PARP16: variants seen among roughly 807,000 people sequenced by gnomAD.
The protein encoded by PARP16 is poly(ADP-ribose) polymerase family member 16.
In PARP16, 31 loss-of-function variants were observed where a neutral mutation model predicts 35.0. That is an observed-to-expected ratio of 0.88 (90% CI 0.66 to 1.19). PARP16 has a LOEUF of 1.19. Among genes scored for constraint, PARP16 ranks in the 50% most tolerant of loss-of-function variants. PARP16 has a pLI of 0.00. For synonymous variants in PARP16, 162 were observed against 169.5 expected, an observed-to-expected ratio of 0.96 and a Z score of 0.34; for missense variants, 424 against 411.2, an observed-to-expected ratio of 1.03 and a Z score of -0.27.
chr15:65,269,505 C>G (rs1178610611), intron 2 of PARP16, among the ~76,000 whole-genome samples: 1 of 152,076 alleles, frequency 6.6e-6, no homozygotes, highest in Non-Finnish European at 1.5e-5. Context: ...CAGTGGTTTT[C>G]AAATAGTAGG....
At chr15:65,238,073 G>A (rs898812083) in intron 3 of PARP16, among the ~76,000 whole-genome samples, 2 of 152,258 alleles carry the variant, frequency 1.3e-5, no homozygotes, top group Admixed American at 1.3e-4. Flanking sequence ...ATCACCTGAG[G>A]TCCGGAGTTT....
downstream of PARP16, among the ~76,000 whole-genome samples, chr15:65,257,880 C>T (rs2089563620): frequency 6.6e-6 from 1 of 152,150 alleles, no homozygotes; most frequent in African/African-American, 2.4e-5. Flanking sequence ...TGACTTTGAT[C>T]CTGCTCGTAT....
intron 3 of PARP16, among the ~76,000 whole-genome samples, chr15:65,245,751 C>T (rs1002502738): frequency 4.6e-5 from 7 of 152,254 alleles, no homozygotes; most frequent in Admixed American, 6.5e-5. Flanking sequence ...CCATCAGAGG[C>T]GGCCTGTTTA....
At position 65,286,675 on chromosome 15, in the gene PARP16, A is replaced by C. The variant is rs977958648; in HGVS notation, c.-249T>G. On this transcript the variant is annotated 5_prime_UTR_variant, in exon 1 of 6. Transcript: ENST00000649807. Reference sequence around the variant, plus strand: ...AGGCCTGGACCGCGGGTCGGCGGGGAGGTTGGGCCCAGGGATAAAGGAACT... The same window carrying C: ...AGGCCTGGACCGCGGGTCGGCGGGGCGGTTGGGCCCAGGGATAAAGGAACT... The C allele has an allele frequency of 2.2e-5, 4 of 181,046 alleles. No individual in the cohort carries two copies. The highest frequency in any genetic ancestry group is 1.5e-4 in the African/African-American group (4 of 27,426). The allele number at this position is 181,046 out of a possible 1,614,324, so 11.2% of individuals were successfully genotyped here.
intron 3 of PARP16, among the ~76,000 whole-genome samples, chr15:65,240,231 G>A (rs1033774354): frequency 3.3e-5 from 5 of 151,382 alleles, no homozygotes; most frequent in Admixed American, 6.6e-5. Context: ...TCCACCTCCC[G>A]GGTTCACGCC....
At chr15:65,274,684 T>C (rs899733546) in intron 1 of PARP16, among the ~76,000 whole-genome samples, 3 of 152,172 alleles carry the variant, frequency 2.0e-5, no homozygotes, top group Non-Finnish European at 4.4e-5. Context: ...CCAGGCTGCA[T>C]GGCCTTGCAT....
At chr15:65,284,458 C>T (rs2090520927) in intron 1 of PARP16, among the ~76,000 whole-genome samples, 1 of 149,090 alleles carries the variant, frequency 6.7e-6, no homozygotes, top group African/African-American at 2.5e-5. Flanking sequence ...AAGCAATTCT[C>T]CTGCCTCAGC....
rs146223049 is a variant in PARP16, at chr15:65,263,178, G to A, written c.662C>T (p.Pro221Leu). The A allele has an allele frequency of 6.8e-5, 110 of 1,613,958 alleles. No individual in the cohort carries two copies. The highest frequency in any genetic ancestry group is 1.3e-4 in the African/African-American group (10 of 74,924). The change falls in exon 4 of 6, where the codon CCG becomes CTG. Residue 221 changes from proline to leucine, a missense_variant. Coordinates refer to ENST00000649807, the MANE Select transcript of PARP16 (RefSeq NM_001316943.2). The stretch of plus-strand genomic sequence containing the variant: ...CTTCTTGGTTTGGCACTTGACGTCC[G>A]GATGGTCAATGACCTCACACACGGC... ...CVAVCEVIDHPDVKCQTKKKD... is the reference protein window; with the variant it reads ...CVAVCEVIDHLDVKCQTKKKD...
At chr15:65,284,837 A>G (rs1400917032) in intron 1 of PARP16, among the ~76,000 whole-genome samples, 24 of 48,180 alleles carry the variant, frequency 5.0e-4, no homozygotes, top group Non-Finnish European at 6.9e-4. Flanking sequence ...TTTTTTTTTG[A>G]GAGAGAGACT....
intron 5 of PARP16, among the ~76,000 whole-genome samples, 165 bp from the exon 6 acceptor site, chr15:65,259,707 T>C (rs775471528): frequency 7.2e-5 from 11 of 152,228 alleles, no homozygotes; most frequent in Admixed American, 1.3e-4. Flanking sequence ...CCTGGGGCTG[T>C]TTGCCCAGGC....
At chr15:65,250,106 CCTTTTTTTTTTTT>C (rs1346267441) in intron 2 of PARP16, among the ~76,000 whole-genome samples, 2 of 104,198 alleles carry the variant, frequency 1.9e-5, no homozygotes, top group Non-Finnish European at 3.8e-5. Flanking sequence ...CACCTGCTTG[CCTTTTTTTTTTTT>C]TTTTTTTTTT....
intron 4 of PARP16, among the ~76,000 whole-genome samples, chr15:65,261,617 G>A (rs183101762): frequency 1.3e-5 from 2 of 151,760 alleles, no homozygotes. Context: ...CACCATGCCC[G>A]GCTAATTTTT....
At chr15:65,278,714 T>G (rs2090331048) in intron 1 of PARP16, among the ~76,000 whole-genome samples, 1 of 152,150 alleles carries the variant, frequency 6.6e-6, no homozygotes, top group South Asian at 2.1e-4. Flanking sequence ...CTGGAGATAC[T>G]CAGGTTTAGA....
intron 3 of PARP16, among the ~76,000 whole-genome samples, chr15:65,240,322 TAGTG>T (rs1350292038): frequency 1.5e-4 from 7 of 45,986 alleles, no homozygotes; most frequent in Non-Finnish European, 2.5e-4. Context: ...TGGGGGGGGC[TAGTG>T]TGTGTGTGTG....
intron 1 of PARP16, among the ~76,000 whole-genome samples, chr15:65,279,912 G>A (rs1311287862): frequency 6.6e-6 from 1 of 151,458 alleles, no homozygotes; most frequent in African/African-American, 2.4e-5. Context: ...TTTCCCACGT[G>A]ATTTCAATGA....
At position 65,260,885 on chromosome 15, in the gene PARP16, C is replaced by T. The variant is rs1014951279; in HGVS notation, c.833G>A (p.Arg278Lys). The part of the protein sequence containing the change: ...LLVYSQKPPK[R>K]ASSQLSWFSS... ...CATTAGTTGTTCTCTTGGACCTTAC[C>T]TCTTGGGTGGCTTCTGTGAATACAC... is the stretch of plus-strand genomic sequence containing the variant. Residue 278 changes from arginine to lysine, a missense_variant and splice_region_variant, in exon 5 of 6, where the codon AGG becomes AAG. Coordinates refer to ENST00000649807, the MANE Select transcript of PARP16 (RefSeq NM_001316943.2). The T allele has an allele frequency of 4.3e-6, 7 of 1,613,576 alleles. No homozygotes were observed. The highest frequency in any genetic ancestry group is 1.1e-5 in the South Asian group (1 of 90,984).
intron 1 of PARP16, among the ~76,000 whole-genome samples, chr15:65,272,619 C>T (rs2140923859): frequency 6.6e-6 from 1 of 152,336 alleles, no homozygotes; most frequent in African/African-American, 2.4e-5. Flanking sequence ...ACTCTCTCCT[C>T]TAAGCCCCTA....
chr15:65,254,604 G>A (rs1455663497), downstream of PARP16, among the ~76,000 whole-genome samples: 4 of 152,158 alleles, frequency 2.6e-5, no homozygotes, highest in African/African-American at 4.8e-5. Flanking sequence ...GTTTAGAGAG[G>A]GGTGTGGTCC....
chr15:65,244,244 A>G (rs2089149764), intron 3 of PARP16, among the ~76,000 whole-genome samples: 2 of 152,166 alleles, frequency 1.3e-5, no homozygotes, highest in Non-Finnish European at 2.9e-5. Flanking sequence ...CTTCCTTCAT[A>G]TAATATATAA....
Sources: allele counts gnomAD v4.1 joint callset (sites outside exome capture counted in the v4.1 genomes callset), GRCh38; gene constraint gnomAD v4.1.1; transcripts MANE v1.5; gene names NCBI Gene and HGNC (gene_info 2026-07-23, HGNC 2026-07-21).